RGS6: variants seen among roughly 807,000 people sequenced by gnomAD.
The protein encoded by RGS6 is regulator of G-protein signaling 6.
A neutral mutation model predicts 78.5 loss-of-function variants in RGS6; 30 were observed. The observed-to-expected ratio is 0.38, with a 90% CI of 0.29 to 0.52. The LOEUF is 0.52. Ranked by LOEUF, RGS6 falls within the 20% of genes least tolerant of loss-of-function variation. The pLI is 0.85. For missense variants in RGS6, 495 were observed against 609.7 expected (o/e 0.81, Z 1.98); for synonymous variants, 206 against 206.0 (o/e 1.00, Z 0.00).
chr14:71,909,954 G>A, the RGS6 span, among the ~76,000 whole-genome samples: 2 of 152,098 alleles, frequency 1.3e-5, no homozygotes, highest in African/African-American at 4.8e-5. Flanking sequence ...TTGGGAGGCC[G>A]AGGTGGGCAG....
At chr14:71,910,988 A>T in the RGS6 span, among the ~76,000 whole-genome samples, 1 of 152,120 alleles carries the variant, frequency 6.6e-6, no homozygotes, top group Non-Finnish European at 1.5e-5. Flanking sequence ...CCTTTTTTCC[A>T]TAAGGTATAT....
intron 2 of RGS6, among the ~76,000 whole-genome samples, chr14:72,325,738 G>T (rs2073565543): frequency 6.6e-6 from 1 of 151,826 alleles, no homozygotes; most frequent in Non-Finnish European, 1.5e-5. Flanking sequence ...ATATAAATAG[G>T]TACTTCCCAA....
chr14:72,622,147 G>A, the RGS6 span, among the ~76,000 whole-genome samples: 4 of 152,158 alleles, frequency 2.6e-5, no homozygotes. Context: ...TTTGTACATA[G>A]GTAGAAATGT....
intron 2 of RGS6, among the ~76,000 whole-genome samples, chr14:72,088,959 G>A (rs759642711): frequency 2.0e-5 from 3 of 152,302 alleles, no homozygotes; most frequent in East Asian, 1.9e-4. Flanking sequence ...ATTGTTCACC[G>A]AACAGTCTTC....
At chr14:71,985,488 T>A (rs985274507) in intron 2 of RGS6, among the ~76,000 whole-genome samples, 1 of 152,198 alleles carries the variant, frequency 6.6e-6, no homozygotes, top group Non-Finnish European at 1.5e-5. Context: ...TATTTAGGGT[T>A]TGTTATTAAT....
the RGS6 span, among the ~76,000 whole-genome samples, chr14:72,573,906 T>C: frequency 3.3e-5 from 5 of 152,226 alleles, no homozygotes; most frequent in African/African-American, 1.2e-4. Flanking sequence ...CTCCTATTCA[T>C]GCAAGACTTT....
chr14:72,199,290 A>G (rs896661880), intron 2 of RGS6, among the ~76,000 whole-genome samples: 1 of 152,254 alleles, frequency 6.6e-6, no homozygotes, highest in Non-Finnish European at 1.5e-5. Context: ...ATTTTAATGC[A>G]GTCAATTGTT....
chr14:72,423,619 T>C (rs1326031690), intron 3 of RGS6, among the ~76,000 whole-genome samples: 2 of 149,830 alleles, frequency 1.3e-5, no homozygotes, highest in Non-Finnish European at 3.0e-5. Flanking sequence ...GAGCTAAACA[T>C]TGGGTCCTCA....
the RGS6 span, among the ~76,000 whole-genome samples, chr14:72,599,406 T>TG: frequency 1.8e-4 from 20 of 114,186 alleles, no homozygotes; most frequent in South Asian, 6.7e-3. Flanking sequence ...TTTTTTTTTT[T>TG]TTTTTTTTTT....
intron 2 of RGS6, among the ~76,000 whole-genome samples, chr14:72,061,311 A>G (rs10139377): frequency 0.71 from 107,641 of 151,994 alleles, 38,214 homozygotes; most frequent in East Asian, 0.83. Flanking sequence ...GATTTTGTTG[A>G]GATAAGGGTC....
intron 2 of RGS6, among the ~76,000 whole-genome samples, chr14:72,113,865 G>A (rs2095828391): frequency 6.6e-6 from 1 of 152,192 alleles, no homozygotes; most frequent in African/African-American, 2.4e-5. Flanking sequence ...ATGAGGCTAT[G>A]GCAAGGGAAT....
intron 17 of RGS6, chr14:72,541,738 C>G: frequency 8.9e-7 from 1 of 1,119,382 alleles, no homozygotes; most frequent in Non-Finnish European, 1.2e-6. Context: ...AGAGCCTTGA[C>G]AGCCCCCGGA....
chr14:71,981,388 T>G (rs555840648), intron 2 of RGS6, among the ~76,000 whole-genome samples: 81 of 152,330 alleles, frequency 5.3e-4, no homozygotes, highest in African/African-American at 1.9e-3. Context: ...CCCATCTTTG[T>G]GGTTTTATCT....
At chr14:72,497,455 C>T (rs1484815236) in intron 13 of RGS6, among the ~76,000 whole-genome samples, 1 of 152,096 alleles carries the variant, frequency 6.6e-6, no homozygotes, top group Non-Finnish European at 1.5e-5. Context: ...ATTTCTGAAT[C>T]TCATTCTTTG....
chr14:71,888,456 A>T, the RGS6 span, among the ~76,000 whole-genome samples: 1 of 151,518 alleles, frequency 6.6e-6, no homozygotes, highest in Admixed American at 6.6e-5. Flanking sequence ...GAAAAAGAGA[A>T]GGGGGAATTT....
intron 2 of RGS6, among the ~76,000 whole-genome samples, chr14:72,052,482 T>C (rs973839737): frequency 6.6e-6 from 1 of 152,224 alleles, no homozygotes; most frequent in African/African-American, 2.4e-5. Flanking sequence ...GCTGCAGTGA[T>C]GAGAAGCCTC....
intron 2 of RGS6, among the ~76,000 whole-genome samples, chr14:72,138,912 T>A (rs1411017268): frequency 6.6e-6 from 1 of 151,976 alleles, no homozygotes; most frequent in Non-Finnish European, 1.5e-5. Context: ...GATACTATGG[T>A]GAGTATGTAA....
At chr14:72,445,871 G>A (rs534059758) in intron 3 of RGS6, among the ~76,000 whole-genome samples, 3 of 152,128 alleles carry the variant, frequency 2.0e-5, no homozygotes, top group Non-Finnish European at 4.4e-5. Context: ...TCCAAAATGT[G>A]ACCTTATTTG....
At chr14:72,397,960 T>C in intron 3 of RGS6, among the ~76,000 whole-genome samples, 1 of 152,224 alleles carries the variant, frequency 6.6e-6, no homozygotes, top group Admixed American at 6.5e-5. Context: ...TGCCAGTATT[T>C]TACCGAGAAT....
Sources: allele counts gnomAD v4.1 joint callset (sites outside exome capture counted in the v4.1 genomes callset), GRCh38; gene constraint gnomAD v4.1.1; transcripts MANE v1.5; gene names NCBI Gene and HGNC (gene_info 2026-07-23, HGNC 2026-07-21).